Variants in TPO observed in about 807,000 individuals in gnomAD.
TPO encodes thyroid microsomal antigen.
A neutral mutation model predicts 96.9 loss-of-function variants in TPO; 78 were observed. The ratio of observed to expected loss-of-function variants is 0.81; its 90% confidence interval spans 0.67 to 0.97. The LOEUF (loss-of-function observed/expected upper bound fraction) is 0.97, where lower values mean the gene tolerates loss of function less well. Ranked by LOEUF, TPO falls within the 50% of genes least tolerant of loss-of-function variation. TPO has a pLI of 0.00. For missense variants in TPO, 1,252 were observed against 1,274.8 expected (o/e 0.98, Z 0.27); for synonymous variants, 547 against 538.0 (o/e 1.02, Z -0.23).
At chr2:1,388,124 G>A (rs530237547) in intron 1 of TPO, among the ~76,000 whole-genome samples, 5 of 152,180 alleles carry the variant, frequency 3.3e-5, no homozygotes, top group Non-Finnish European at 5.9e-5. Flanking sequence ...GCCCCTACTC[G>A]GGGGTGCCTC....
In TPO at chr2:1,516,925, T is replaced by C; in HGVS notation, c.2561T>C (p.Leu854Pro). 5 of 1,614,002 alleles carry C rather than the reference T, an allele frequency of 3.1e-6. No homozygotes were observed. The highest frequency in any genetic ancestry group is 4.2e-6 in the Non-Finnish European group (5 of 1,180,028). The change falls in exon 15 of 17, where the codon CTG (leucine) becomes CCG (proline). Residue 854 changes from leucine to proline, a missense_variant. Leu to Pro is a moderately conservative substitution (Grantham distance 98). Coordinates refer to ENST00000329066, the MANE Select transcript of TPO (RefSeq NM_001206744.2). ...CGGGTGACTTGGATCTCCATGTCGCTGGCTGCTCTGCTGATCGGAGGCTTC... is the reference window on the plus strand; with the variant it reads ...CGGGTGACTTGGATCTCCATGTCGCCGGCTGCTCTGCTGATCGGAGGCTTC... ...LPRVTWISMS[L>P]AALLIGGFAG...
intron 13 of TPO, among the ~76,000 whole-genome samples, chr2:1,500,890 T>C (rs1672807155): frequency 6.6e-6 from 1 of 151,020 alleles, no homozygotes; most frequent in Non-Finnish European, 1.5e-5. Context: ...GAGAATTGCT[T>C]GAACCCGGGA....
At chr2:1,393,998 T>A (rs569591152) in intron 1 of TPO, among the ~76,000 whole-genome samples, 1 of 152,328 alleles carries the variant, frequency 6.6e-6, no homozygotes, top group East Asian at 1.9e-4. Context: ...TTTAGTAACC[T>A]TTCAAATACC....
chr2:1,487,199 C>A (rs1251111292), intron 9 of TPO, among the ~76,000 whole-genome samples: 1 of 126,330 alleles, frequency 7.9e-6, no homozygotes, highest in Non-Finnish European at 1.6e-5. Context: ...TAGAATTCAG[C>A]AAACGCTTCT....
intron 13 of TPO, among the ~76,000 whole-genome samples, chr2:1,497,991 CAAAAAAA>C (rs543921082): frequency 3.4e-5 from 3 of 87,272 alleles, no homozygotes; most frequent in South Asian, 8.1e-4. Context: ...CCCCATCTAC[CAAAAAAA>C]AAAAAAAAAA....
chr2:1,527,424 T>C (rs1314683204), intron 15 of TPO, among the ~76,000 whole-genome samples: 12 of 39,826 alleles, frequency 3.0e-4, no homozygotes, highest in South Asian at 8.1e-4. Flanking sequence ...CCTCAAATCC[T>C]CCGCCACTGT....
At chr2:1,532,193 A>T (rs1678441438) in intron 15 of TPO, among the ~76,000 whole-genome samples, 1 of 63,636 alleles carries the variant, frequency 1.6e-5, no homozygotes, top group Non-Finnish European at 3.0e-5. Flanking sequence ...CAACCTCCTC[A>T]AATCCCCCAC....
At chr2:1,452,206 CAATT>C (rs28909401) in intron 5 of TPO, among the ~76,000 whole-genome samples, 45,988 of 151,984 alleles carry the variant, frequency 0.3, 7,417 homozygotes, top group Admixed American at 0.35. Flanking sequence ...TATTAGAACA[CAATT>C]GATTTAATAA....
At chr2:1,539,558 A>T (rs1340763371) in intron 15 of TPO, among the ~76,000 whole-genome samples, 1 of 152,174 alleles carries the variant, frequency 6.6e-6, no homozygotes, top group Non-Finnish European at 1.5e-5. Flanking sequence ...CCTAGGTCGG[A>T]GTCCGCAAGG....
chr2:1,449,525 A>G (rs1162903721), intron 5 of TPO, among the ~76,000 whole-genome samples: 1 of 152,192 alleles, frequency 6.6e-6, no homozygotes, highest in Non-Finnish European at 1.5e-5. Flanking sequence ...TGAAAGTTCA[A>G]TTGCTCAAAA....
chr2:1,374,668 TCA>T (rs1314433236), intron 1 of TPO, among the ~76,000 whole-genome samples: 2 of 151,958 alleles, frequency 1.3e-5, no homozygotes, highest in Non-Finnish European at 2.9e-5. Context: ...GAAAAGAACA[TCA>T]CACCAGAAAA....
At position 1,477,406 on chromosome 2, in the gene TPO, C is replaced by T. The variant is rs751988191; in HGVS notation, c.1140C>T (p.Gly380=). 2 of 1,524,744 alleles carry T rather than the reference C, an allele frequency of 1.3e-6. No individual in the cohort carries two copies. Among genetic ancestry groups the T allele is most frequent in the African/African-American group, 1.4e-5 (1 of 71,168 alleles). The allele number at this position is 1,524,744 out of a possible 1,614,324, so 94.5% of individuals were successfully genotyped here. A position where few individuals can be genotyped will look rare whatever the true frequency, so the allele number is the denominator to read the frequency against. The part of the protein sequence containing the change: ...RAPAACAPEP[G]IPGETRGPCF... ...CTGCGGCCTGTGCGCCCGAGCCCGG[C>T]ATCCCCGGAGAGACCCGCGGGCCCT... The change falls in exon 8 of 17, where the codon GGC becomes GGT. Residue 380 remains glycine (G), a synonymous_variant. Transcript: ENST00000329066.
rs150157920 is a variant in TPO at position 1,391,691 on chromosome 2, T to G, written n.180+17289T>G. 3.0e-3 allele frequency among the ~76,000 whole-genome samples: 455 copies of G among 152,346 alleles called. 11 individuals carry two copies. The East Asian group carries it at 0.065, about 22-fold the overall frequency. On this transcript the variant is annotated intron_variant and non_coding_transcript_variant, in intron 1 of 5. Transcript: ENST00000497517. ...TTGTTTGTGTCCTCTTTTATTTCTT[T>G]GAGCAGTAGTTTGTAGTTCTCCTTG...
chr2:1,509,442 ATCC>A (rs1673839166), intron 14 of TPO, among the ~76,000 whole-genome samples: 1 of 151,540 alleles, frequency 6.6e-6, no homozygotes, highest in Non-Finnish European at 1.5e-5. Context: ...GGGACACCAC[ATCC>A]TCCTGTTTCA....
At chr2:1,435,330 C>G (rs867811245) in intron 4 of TPO, among the ~76,000 whole-genome samples, 1 of 152,292 alleles carries the variant, frequency 6.6e-6, no homozygotes, top group South Asian at 2.1e-4. Context: ...TTGAAGAATG[C>G]GTAATCCTCC....
chr2:1,383,203 T>C (rs1661836988), intron 1 of TPO, among the ~76,000 whole-genome samples: 1 of 152,182 alleles, frequency 6.6e-6, no homozygotes, highest in Non-Finnish European at 1.5e-5. Context: ...CGTGTGTCTT[T>C]ATAGCAGCAT....
intron 11 of TPO, 136 bp from the exon 12 acceptor site, chr2:1,495,853 G>A (rs1157988720): frequency 1.0e-6 from 1 of 960,890 alleles, no homozygotes; most frequent in Non-Finnish European, 1.6e-6. Flanking sequence ...GCACCTGTGT[G>A]GCCCCGGGTG....
intron 5 of TPO, among the ~76,000 whole-genome samples, chr2:1,451,689 G>A (rs1000296862): frequency 2.5e-4 from 38 of 152,142 alleles, no homozygotes; most frequent in African/African-American, 6.8e-4. Flanking sequence ...GTTCCCACAC[G>A]GGCGTGACTG....
At chr2:1,405,283 ACATC>A (rs1662233677) in intron 1 of TPO, among the ~76,000 whole-genome samples, 1 of 145,746 alleles carries the variant, frequency 6.9e-6, no homozygotes, top group Non-Finnish European at 1.5e-5. Flanking sequence ...ACTCACACAC[ACATC>A]CATCCATCCA....
Sources: gnomAD v4.1 joint callset for allele counts (sites outside exome capture counted in the v4.1 genomes callset) on GRCh38, gnomAD v4.1.1 for gene constraint, MANE v1.5 for transcripts, NCBI Gene and HGNC (gene_info 2026-07-23, HGNC 2026-07-21) for gene names.